DMD: variants seen among roughly 807,000 people sequenced by gnomAD.
DMD encodes dystrophin, also known as mutant dystrophin.
Under a neutral mutation model 330.1 loss-of-function variants are expected in DMD, and 63 were observed. The observed-to-expected ratio is 0.19, with a 90% CI of 0.16 to 0.24. The LOEUF (loss-of-function observed/expected upper bound fraction) is 0.24, where lower values mean the gene tolerates loss of function less well. Ranked by LOEUF, DMD falls within the 10% of genes least tolerant of loss-of-function variation. DMD has a pLI of 1.00. For synonymous variants in DMD, 1,223 were observed against 959.8 expected, an observed-to-expected ratio of 1.27 and a Z score of -5.07; for missense variants, 3,344 against 2,684.1, an observed-to-expected ratio of 1.25 and a Z score of -5.43.
chrX:32,657,365 A>G (rs1351612598), intron 9 of DMD, among the ~76,000 whole-genome samples: 2 of 112,306 alleles, frequency 1.8e-5, no homozygotes, highest in African/African-American at 3.2e-5. Flanking sequence ...TAAAATTTTC[A>G]TAAGCATCAA....
rs147029345 is a variant in DMD at position 31,821,056 on chromosome X, T to C, written c.7201-973A>G. Among the ~76,000 whole-genome samples the C allele has an allele frequency of 7.4e-3, 836 of 112,836 alleles. 4 individuals carry two copies. Among genetic ancestry groups the C allele is most frequent in the East Asian group, 0.02 (73 of 3,581 alleles). ...GCAGAATGTGAGCAGAAGTGTTGTT[T>C]GTCAGTTTGGGGCTGAGGCTTTGAA... On this transcript the variant is annotated intron_variant, in intron 49 of 78. Transcript: ENST00000357033.
chrX:32,498,252 C>A (rs2043695229), intron 19 of DMD, among the ~76,000 whole-genome samples: 1 of 111,332 alleles, frequency 9.0e-6, no homozygotes, highest in Non-Finnish European at 1.9e-5. Context: ...AAAAGAGGTA[C>A]TTTGCACCAT....
chrX:32,464,685 G>T lies in DMD; in HGVS notation c.3177C>A (p.Thr1059=), dbSNP rs755632126. The T allele has an allele frequency of 8.3e-7, 1 of 1,198,134 alleles. No homozygotes were observed. Among genetic ancestry groups the T allele is most frequent in the African/African-American group, 1.7e-5 (1 of 57,337 alleles). Residue 1059 remains threonine, a synonymous_variant, in exon 24 of 79, where the codon ACC becomes ACA. Transcript: ENST00000357033. The stretch of plus-strand genomic sequence containing the variant: ...CAACTTCAGCCATCCATTTCTTCAG[G>T]GTTTGTATGTGATTCTGAAACGAGA... ...KLRKIQNHIQ[T]LKKWMAEVDV...
intron 37 of DMD, among the ~76,000 whole-genome samples, chrX:32,350,825 T>A (rs2097779118): frequency 9.0e-6 from 1 of 111,354 alleles, no homozygotes; most frequent in East Asian, 2.8e-4. Flanking sequence ...TTGCCAGCCT[T>A]ATGTAAGTGT....
intron 15 of DMD, among the ~76,000 whole-genome samples, chrX:32,567,144 T>C (rs967684974): frequency 1.8e-5 from 2 of 111,731 alleles, no homozygotes; most frequent in East Asian, 5.6e-4. Context: ...AATGCTCTAG[T>C]GGCTCCTTCA....
intron 4 of DMD, among the ~76,000 whole-genome samples, chrX:32,843,256 T>C (rs765929774): frequency 2.7e-5 from 3 of 112,574 alleles, no homozygotes; most frequent in South Asian, 3.7e-4. Flanking sequence ...ACTGCTACAT[T>C]TTGAAACAGA....
At chrX:32,696,543 G>A (rs774021944) in intron 9 of DMD, among the ~76,000 whole-genome samples, 1 of 112,084 alleles carries the variant, frequency 8.9e-6, no homozygotes, top group African/African-American at 3.2e-5. Context: ...AGCCTAGCAA[G>A]ATGTAAGTCC....
chrX:32,796,329 A>G (rs1490788240), intron 7 of DMD, among the ~76,000 whole-genome samples: 1 of 111,358 alleles, frequency 9.0e-6, no homozygotes, highest in African/African-American at 3.3e-5. Context: ...CATGAATGAA[A>G]CTGCAGGTTA....
At chrX:32,045,243 T>G (rs2096054808) in intron 44 of DMD, among the ~76,000 whole-genome samples, 1 of 110,428 alleles carries the variant, frequency 9.1e-6, no homozygotes, top group Non-Finnish European at 1.9e-5. Flanking sequence ...TGCCAAGTGT[T>G]GGACTTGGGG....
At chrX:31,726,161 C>T (rs1470289615) in intron 52 of DMD, among the ~76,000 whole-genome samples, 2 of 112,436 alleles carry the variant, frequency 1.8e-5, no homozygotes, top group African/African-American at 6.5e-5. Context: ...TAGATTATTA[C>T]TGCATGATTT....
At chrX:32,287,972 T>A (rs1250343939) in intron 42 of DMD, among the ~76,000 whole-genome samples, 1 of 110,762 alleles carries the variant, frequency 9.0e-6, no homozygotes, top group Non-Finnish European at 1.9e-5. Context: ...TCTTCTGCTT[T>A]CCTTTGCTGG....
chrX:32,501,178 A>G (rs1487511174), intron 19 of DMD, among the ~76,000 whole-genome samples: 1 of 111,887 alleles, frequency 8.9e-6, no homozygotes, highest in Non-Finnish European at 1.9e-5. Flanking sequence ...TTCTTGAAAA[A>G]GAAAGACAAA....
intron 41 of DMD, among the ~76,000 whole-genome samples, chrX:32,312,942 CAAAAAAA>C (rs767993498): frequency 0.066 from 1,350 of 20,428 alleles, 66 homozygotes; most frequent in African/African-American, 0.17. Flanking sequence ...GCCTACGAAC[CAAAAAAA>C]AAAAAAAAAA....
chrX:32,222,432 C>A (rs1336459115), intron 43 of DMD, among the ~76,000 whole-genome samples: 3 of 111,355 alleles, frequency 2.7e-5, no homozygotes, highest in African/African-American at 9.8e-5. Context: ...AAGATCAGAG[C>A]AGAACTAAAT....
intron 2 of DMD, among the ~76,000 whole-genome samples, chrX:32,882,881 T>G (rs1246146117): frequency 8.9e-6 from 1 of 112,380 alleles, no homozygotes; most frequent in African/African-American, 3.2e-5. Flanking sequence ...CACCAAAGTT[T>G]AGGAAGACAT....
At chrX:33,025,303 C>T (rs139351081) in intron 1 of DMD, among the ~76,000 whole-genome samples, 27 of 111,368 alleles carry the variant, frequency 2.4e-4, no homozygotes, top group African/African-American at 8.2e-4. Flanking sequence ...TGAAAGTACA[C>T]GCTCATTCAT....
chrX:32,412,796 T>G (rs140670778), intron 29 of DMD, among the ~76,000 whole-genome samples: 1 of 111,388 alleles, frequency 9.0e-6, no homozygotes, highest in East Asian at 2.8e-4. Context: ...CAATATAACT[T>G]TCTTTCCCAC....
intron 50 of DMD, among the ~76,000 whole-genome samples, chrX:31,797,887 C>T (rs2091898469): frequency 8.9e-6 from 1 of 111,933 alleles, no homozygotes; most frequent in Non-Finnish European, 1.9e-5. Flanking sequence ...AAGTGACCAA[C>T]TGGTTTCAAG....
At chrX:31,467,591 A>C (rs1449966664) in intron 59 of DMD, among the ~76,000 whole-genome samples, 1 of 111,726 alleles carries the variant, frequency 9.0e-6, no homozygotes, top group Non-Finnish European at 1.9e-5. Flanking sequence ...GGATTTTCGC[A>C]TTGATGTTCA....
Sources: allele counts gnomAD v4.1 joint callset (sites outside exome capture counted in the v4.1 genomes callset), GRCh38; gene constraint gnomAD v4.1.1; transcripts MANE v1.5; gene names NCBI Gene and HGNC (gene_info 2026-07-23, HGNC 2026-07-21).